The following HPSE2 variants were observed in gnomAD, a reference collection of about 807,000 sequenced individuals.
The protein encoded by HPSE2 is inactive heparanase-2.
HPSE2 carries 38 observed loss-of-function variants against 60.5 expected under a neutral mutation model. That is an observed-to-expected ratio of 0.63 (90% CI 0.48 to 0.82). HPSE2 has a LOEUF of 0.82. Among genes scored for constraint, HPSE2 ranks in the 40% least tolerant of loss-of-function variants. The pLI is 0.00. For missense variants in HPSE2, 713 were observed against 740.4 expected (o/e 0.96, Z 0.43); for synonymous variants, 295 against 293.2 (o/e 1.01, Z -0.06).
intron 9 of HPSE2, among the ~76,000 whole-genome samples, chr10:98,585,909 C>T (rs1410581233): frequency 1.3e-5 from 2 of 148,934 alleles, no homozygotes; most frequent in Admixed American, 6.7e-5. Flanking sequence ...CTGAGATTGC[C>T]CCATTACACT....
chr10:99,293,532 G>A, the HPSE2 span, among the ~76,000 whole-genome samples: 1 of 152,092 alleles, frequency 6.6e-6, no homozygotes, highest in East Asian at 1.9e-4. Flanking sequence ...TTACAGAAAG[G>A]GATAAGAACA....
At chr10:98,691,357 C>G (rs2134163939) in intron 6 of HPSE2, among the ~76,000 whole-genome samples, 1 of 152,082 alleles carries the variant, frequency 6.6e-6, no homozygotes, top group South Asian at 2.1e-4. Context: ...GGAGATATGG[C>G]CAATATTTTT....
intron 9 of HPSE2, among the ~76,000 whole-genome samples, chr10:98,511,349 AC>A (rs1418148051): frequency 6.6e-6 from 1 of 152,020 alleles, no homozygotes; most frequent in African/African-American, 2.4e-5. Flanking sequence ...ACAGGGTTTC[AC>A]CGTGTTAGCC....
chr10:98,648,232 G>C (rs1946826046), intron 6 of HPSE2, among the ~76,000 whole-genome samples: 1 of 152,300 alleles, frequency 6.6e-6, no homozygotes, highest in South Asian at 2.1e-4. Flanking sequence ...GAGGCACTGA[G>C]TGTGGGCAGA....
At chr10:98,631,487 C>T (rs1413554894) in intron 7 of HPSE2, among the ~76,000 whole-genome samples, 2 of 152,130 alleles carry the variant, frequency 1.3e-5, no homozygotes, top group Non-Finnish European at 2.9e-5. Flanking sequence ...ACTAACCAAC[C>T]CCTACCTACT....
intron 2 of HPSE2, among the ~76,000 whole-genome samples, chr10:99,147,727 CTTA>C (rs1564844284): frequency 6.6e-6 from 1 of 152,148 alleles, no homozygotes; most frequent in Non-Finnish European, 1.5e-5. Flanking sequence ...GTATGAATTC[CTTA>C]TTCAACTCTA....
At chr10:98,991,416 A>G (rs1231831035) in intron 3 of HPSE2, among the ~76,000 whole-genome samples, 1 of 152,168 alleles carries the variant, frequency 6.6e-6, no homozygotes, top group Admixed American at 6.5e-5. Flanking sequence ...CCCTTACACT[A>G]GAGCATGCTC....
intron 9 of HPSE2, among the ~76,000 whole-genome samples, chr10:98,502,688 G>T (rs946537046): frequency 2.0e-5 from 3 of 152,110 alleles, no homozygotes; most frequent in African/African-American, 7.2e-5. Context: ...TAAAAACAAA[G>T]ATAAATAGTT....
chr10:98,483,248 T>C (rs1191323734), intron 10 of HPSE2, among the ~76,000 whole-genome samples: 1 of 152,204 alleles, frequency 6.6e-6, no homozygotes, highest in Non-Finnish European at 1.5e-5. Flanking sequence ...TTACTCAGTT[T>C]TTACATAACT....
intron 3 of HPSE2, among the ~76,000 whole-genome samples, chr10:99,130,829 T>G (rs1845355126): frequency 1.3e-5 from 2 of 152,154 alleles, no homozygotes; most frequent in South Asian, 4.1e-4. Flanking sequence ...CCACAGTATC[T>G]TATCAGCTAA....
rs577238197 is a variant in HPSE2 at position 98,724,437 on chromosome 10, T to G, written c.785-2609A>C. ...GGTGTGGTGCTGAAAAGAATGTATA[T>G]TCTGTTGATTTGGGGTGCAGAGTTC... On this transcript the variant is annotated intron_variant, in intron 4 of 11. Coordinates refer to ENST00000370552, the MANE Select transcript of HPSE2 (RefSeq NM_021828.5). Among the ~76,000 whole-genome samples the G allele has an allele frequency of 3.9e-5, 6 of 152,332 alleles. No homozygotes were observed. The South Asian group carries it at 1.2e-3, about 32-fold the overall frequency.
the HPSE2 span, among the ~76,000 whole-genome samples, chr10:99,264,069 GTTTCT>G: frequency 2.0e-5 from 3 of 151,662 alleles, no homozygotes; most frequent in African/African-American, 4.8e-5. Flanking sequence ...TCTCCTGGCA[GTTTCT>G]TTTCTTTTCT....
intron 9 of HPSE2, among the ~76,000 whole-genome samples, chr10:98,551,339 G>T (rs896464608): frequency 2.0e-5 from 3 of 152,174 alleles, no homozygotes; most frequent in African/African-American, 7.2e-5. Flanking sequence ...CGTGGACTAT[G>T]TGTTTGGGTT....
At chr10:99,248,054 G>T in the HPSE2 span, among the ~76,000 whole-genome samples, 1 of 152,162 alleles carries the variant, frequency 6.6e-6, no homozygotes, top group South Asian at 2.1e-4. Context: ...TTATAGCAGT[G>T]TGAAAATGAC....
intron 3 of HPSE2, among the ~76,000 whole-genome samples, chr10:99,093,478 T>A (rs1407187214): frequency 1.3e-5 from 2 of 152,154 alleles, no homozygotes; most frequent in African/African-American, 4.8e-5. Flanking sequence ...AATACCAGAC[T>A]GAGTAATTTA....
chr10:99,018,314 T>A (rs1957187070), intron 3 of HPSE2, among the ~76,000 whole-genome samples: 1 of 152,192 alleles, frequency 6.6e-6, no homozygotes, highest in Admixed American at 6.5e-5. Flanking sequence ...TGGGAGTAGT[T>A]TACGGCTGGG....
chr10:98,628,738 T>C (rs1946282914), intron 7 of HPSE2, among the ~76,000 whole-genome samples: 1 of 152,106 alleles, frequency 6.6e-6, no homozygotes, highest in Non-Finnish European at 1.5e-5. Context: ...CAGAGTTGTA[T>C]AAAGGGAAAC....
chr10:98,712,314 G>A (rs1948694259), intron 5 of HPSE2, among the ~76,000 whole-genome samples: 1 of 151,802 alleles, frequency 6.6e-6, no homozygotes, highest in Non-Finnish European at 1.5e-5. Flanking sequence ...GAAAAAAATT[G>A]TTATATGTCT....
rs1158071096 is a variant in HPSE2 at position 99,101,409 on chromosome 10, TA to T, written c.610+42828del. On this transcript the variant is annotated intron_variant, in intron 3 of 11. Coordinates refer to ENST00000370552, the MANE Select transcript of HPSE2 (RefSeq NM_021828.5). ...GACAAAGAAGGACATTACATAATGG[TA>T]AAGGGATCAATTCAACAAGATGGGC... Among the ~76,000 whole-genome samples, 5 of 152,210 alleles carry T rather than the reference TA, an allele frequency of 3.3e-5. No homozygotes were observed. The East Asian group carries it at 9.7e-4, about 29-fold the overall frequency.
Sources: gnomAD v4.1 joint callset for allele counts (sites outside exome capture counted in the v4.1 genomes callset) on GRCh38, gnomAD v4.1.1 for gene constraint, MANE v1.5 for transcripts, NCBI Gene and HGNC (gene_info 2026-07-23, HGNC 2026-07-21) for gene names.